Variants in DPY19L2 observed in about 807,000 individuals in gnomAD.
DPY19L2 encodes the protein dpy-19 like 2.
In DPY19L2, 34 loss-of-function variants were observed where a neutral mutation model predicts 97.9. The observed-to-expected ratio is 0.35, with a 90% CI of 0.26 to 0.46. The LOEUF is 0.46. Ranked by LOEUF, DPY19L2 falls within the 20% of genes least tolerant of loss-of-function variation. The pLI, the probability that DPY19L2 is intolerant of heterozygous loss-of-function variation, is 1.00. For missense variants in DPY19L2, 623 were observed against 911.4 expected (o/e 0.68, Z 4.07); for synonymous variants, 230 against 307.9 (o/e 0.75, Z 2.65).
At chr12:63,590,291 C>T (rs906414355) in intron 16 of DPY19L2, among the ~76,000 whole-genome samples, 5 of 152,114 alleles carry the variant, frequency 3.3e-5, no homozygotes, top group African/African-American at 7.2e-5. Context: ...AGCTTGATAA[C>T]GATGTTGGTG....
intron 6 of DPY19L2, among the ~76,000 whole-genome samples, chr12:63,635,923 G>C (rs1466649856): frequency 1.3e-5 from 2 of 152,108 alleles, no homozygotes; most frequent in Non-Finnish European, 2.9e-5. Context: ...AGGAAATACA[G>C]AGAATGCCAC....
chr12:63,652,467 G>A (rs563343850), intron 4 of DPY19L2, among the ~76,000 whole-genome samples: 1 of 152,228 alleles, frequency 6.6e-6, no homozygotes, highest in Non-Finnish European at 1.5e-5. Context: ...AAAGACACAT[G>A]CACATGTATG....
intron 4 of DPY19L2, among the ~76,000 whole-genome samples, chr12:63,648,175 C>T (rs1893691074): frequency 6.6e-6 from 1 of 152,114 alleles, no homozygotes; most frequent in Non-Finnish European, 1.5e-5. Flanking sequence ...GCAGCCTTCA[C>T]CAGACACCAA....
In DPY19L2 at chr12:63,604,593, CG is replaced by C. The variant is rs367941418; in HGVS notation, c.1278+4022del. On this transcript the variant is annotated intron_variant, in intron 12 of 21. Transcript: ENST00000324472. ...TCTATTGTTCTGTCTTCAAGAGCAC[CG>C]ATTGCTTCCTCTGTAATATTCACTC... is the stretch of plus-strand genomic sequence containing the variant. 5.4e-3 allele frequency among the ~76,000 whole-genome samples: 820 copies of C among 152,048 alleles called. 5 individuals are homozygous for C. Among genetic ancestry groups the C allele is most frequent in the African/African-American group, 0.018 (751 of 41,478 alleles).
rs1893125080 is a variant in DPY19L2, at chr12:63,644,479, A to C, written c.727T>G (p.Cys243Gly). 6.2e-7 allele frequency: 1 copy of C among 1,610,090 alleles called. No individual in the cohort carries two copies. Among genetic ancestry groups the C allele is most frequent in the Admixed American group, 1.7e-5 (1 of 59,112 alleles). ...ATAAAGATTACACCAACATAAAAGC[A>C]AGCAGGATCTCCCAATCCTTTGAAA... is the stretch of plus-strand genomic sequence containing the variant. ...QSCEGLGDPA[C>G]FYVGVIFILN... Residue 243 changes from cysteine to glycine, a missense_variant, in exon 6 of 22, where the codon TGC becomes GGC. By Grantham distance (159) the Cys-to-Gly change is radical (BLOSUM62 -3). Around this residue, in one of 6 missense-constraint regions of DPY19L2, gnomAD observed 27 missense variants for 77.5 expected, o/e 0.35. Transcript: ENST00000324472.
intron 16 of DPY19L2, among the ~76,000 whole-genome samples, chr12:63,591,517 AG>A (rs1263912827): frequency 3.3e-5 from 5 of 152,146 alleles, no homozygotes; most frequent in Non-Finnish European, 5.9e-5. Context: ...TTCCCTCAGA[AG>A]GAAATTTTCT....
At chr12:63,649,512 T>A (rs934034611) in intron 4 of DPY19L2, among the ~76,000 whole-genome samples, 1 of 152,016 alleles carries the variant, frequency 6.6e-6, no homozygotes, top group Non-Finnish European at 1.5e-5. Context: ...ATTGACCCTG[T>A]AGAAAAGCAA....
chr12:63,623,071 A>T (rs1592608443), intron 8 of DPY19L2, among the ~76,000 whole-genome samples: 1 of 152,060 alleles, frequency 6.6e-6, no homozygotes. Context: ...GGGAGTTTGG[A>T]GGAGATAGTG....
At chr12:63,592,007 AGGGG>A (rs1883091123) in intron 16 of DPY19L2, among the ~76,000 whole-genome samples, 1 of 2,708 alleles carries the variant, frequency 3.7e-4, no homozygotes, top group African/African-American at 1.7e-3. Context: ...AGGGGAAGGG[AGGGG>A]AGGGGAGGGG....
chr12:63,667,731 A>G (rs1896492308), intron 1 of DPY19L2, among the ~76,000 whole-genome samples: 1 of 152,042 alleles, frequency 6.6e-6, no homozygotes, highest in Non-Finnish European at 1.5e-5. Context: ...ACCCCTCCCA[A>G]ATATTGCAAG....
chr12:63,616,117 C>CT (rs1887784323), intron 11 of DPY19L2, among the ~76,000 whole-genome samples: 1 of 151,892 alleles, frequency 6.6e-6, no homozygotes, highest in South Asian at 2.1e-4. Flanking sequence ...ACTTGAACAT[C>CT]TGCAGATTTT....
At chr12:63,639,958 C>G (rs1338473852) in intron 6 of DPY19L2, among the ~76,000 whole-genome samples, 1 of 152,100 alleles carries the variant, frequency 6.6e-6, no homozygotes, top group Non-Finnish European at 1.5e-5. Context: ...ACCCAAATGT[C>G]CAACAATGAT....
chr12:63,663,612 CTTTACTA>C (rs1895965231), intron 3 of DPY19L2, 139 bp downstream of exon 3: 1 of 647,566 alleles, frequency 1.5e-6, no homozygotes, highest in African/African-American at 1.9e-5. Flanking sequence ...ATCTCAAACA[CTTTACTA>C]TTTAAATAAT....
chr12:63,653,300 C>A (rs995461455), intron 4 of DPY19L2, among the ~76,000 whole-genome samples: 8 of 152,174 alleles, frequency 5.3e-5, no homozygotes, highest in African/African-American at 1.9e-4. Flanking sequence ...GTGGTTCATG[C>A]CTGTAATCCC....
chr12:63,647,183 T>C, intron 5 of DPY19L2, 62 bp downstream of exon 5: 5 of 1,154,494 alleles, frequency 4.3e-6, no homozygotes, highest in Admixed American at 2.8e-5. Context: ...TAAAAGTGAA[T>C]CATAATATTA....
At chr12:63,573,654 G>A (rs556549293) in intron 19 of DPY19L2, among the ~76,000 whole-genome samples, 1 of 151,918 alleles carries the variant, frequency 6.6e-6, no homozygotes, top group Admixed American at 6.6e-5. Flanking sequence ...ACTCCCAAAG[G>A]TCAAGGATAA....
chr12:63,587,851 A>G (rs1028742231), intron 16 of DPY19L2, among the ~76,000 whole-genome samples: 23 of 152,156 alleles, frequency 1.5e-4, no homozygotes, highest in African/African-American at 3.1e-4. Flanking sequence ...GATTATAGGC[A>G]TGAGCCACCG....
At chr12:63,588,908 G>T (rs966371654) in intron 16 of DPY19L2, among the ~76,000 whole-genome samples, 3 of 151,578 alleles carry the variant, frequency 2.0e-5, no homozygotes, top group South Asian at 2.1e-4. Context: ...CGCCCACCAC[G>T]ATGCCCAGCT....
intron 6 of DPY19L2, among the ~76,000 whole-genome samples, chr12:63,636,887 G>A (rs1891811962): frequency 6.6e-6 from 1 of 152,074 alleles, no homozygotes; most frequent in African/African-American, 2.4e-5. Context: ...GAGACAGAAA[G>A]TTAACAAGGA....
Sources: allele counts gnomAD v4.1 joint callset (sites outside exome capture counted in the v4.1 genomes callset), GRCh38; gene constraint gnomAD v4.1.1; regional missense constraint gnomAD v4.1.1; transcripts MANE v1.5; gene names NCBI Gene and HGNC (gene_info 2026-07-23, HGNC 2026-07-21).